GAS7: variants seen among roughly 807,000 people sequenced by gnomAD.
GAS7 encodes the protein growth arrest-specific protein 7.
A neutral mutation model predicts 71.1 loss-of-function variants in GAS7; 28 were observed. That is an observed-to-expected ratio of 0.39 (90% CI 0.29 to 0.54). GAS7 has a LOEUF of 0.54. Ranked by LOEUF, GAS7 falls within the 20% of genes least tolerant of loss-of-function variation. The pLI, the probability that GAS7 is intolerant of heterozygous loss-of-function variation, is 0.62. For synonymous variants in GAS7, 258 were observed against 245.8 expected, an observed-to-expected ratio of 1.05 and a Z score of -0.46; for missense variants, 436 against 627.8, an observed-to-expected ratio of 0.69 and a Z score of 3.27.
chr17:10,130,645 C>G (rs757460242), intron 1 of GAS7, among the ~76,000 whole-genome samples: 1 of 152,158 alleles, frequency 6.6e-6, no homozygotes, highest in Admixed American at 6.6e-5. Flanking sequence ...GTGATCTATC[C>G]AAACCAATGA....
At chr17:10,020,755 T>C (rs1314075139) in intron 1 of GAS7, among the ~76,000 whole-genome samples, 1 of 151,824 alleles carries the variant, frequency 6.6e-6, no homozygotes, top group African/African-American at 2.4e-5. Flanking sequence ...CTACTAAAAA[T>C]ACAAAAAATT....
At chr17:10,091,334 T>C (rs948023265) in intron 1 of GAS7, among the ~76,000 whole-genome samples, 5 of 152,078 alleles carry the variant, frequency 3.3e-5, no homozygotes, top group African/African-American at 7.2e-5. Context: ...TTGTACAACA[T>C]TGTGAATGTA....
chr17:10,125,537 GA>G (rs34160339), intron 1 of GAS7, among the ~76,000 whole-genome samples: 40,930 of 100,130 alleles, frequency 0.41, 7,596 homozygotes, highest in African/African-American at 0.6. Context: ...AAAAAAAAAA[GA>G]AAAAAAAAAA....
intron 1 of GAS7, among the ~76,000 whole-genome samples, chr17:10,053,035 G>A (rs1264717356): frequency 6.6e-6 from 1 of 152,214 alleles, no homozygotes; most frequent in Non-Finnish European, 1.5e-5. Flanking sequence ...TCTGAGTAGG[G>A]TTTTCAGCTC....
At chr17:10,182,763 A>C (rs983494260) in intron 1 of GAS7, among the ~76,000 whole-genome samples, 5 of 152,200 alleles carry the variant, frequency 3.3e-5, no homozygotes, top group African/African-American at 1.2e-4. Flanking sequence ...ACACGGGCCC[A>C]GGATTAGATT....
chr17:10,101,352 C>A (rs1249489497), intron 1 of GAS7, among the ~76,000 whole-genome samples: 1 of 152,226 alleles, frequency 6.6e-6, no homozygotes, highest in African/African-American at 2.4e-5. Context: ...GGACAGCCAA[C>A]CAGCAAGCAG....
intron 1 of GAS7, among the ~76,000 whole-genome samples, chr17:10,190,868 T>A (rs2074492986): frequency 6.7e-6 from 1 of 149,540 alleles, no homozygotes; most frequent in African/African-American, 2.5e-5. Flanking sequence ...AAAACCCTCA[T>A]GTTTTAAGAA....
chr17:10,044,905 T>G (rs1009883542), intron 1 of GAS7, among the ~76,000 whole-genome samples: 44 of 152,006 alleles, frequency 2.9e-4, no homozygotes, highest in Non-Finnish European at 4.3e-4. Context: ...ATACAAAAAA[T>G]TAGCTGGGCA....
At chr17:10,142,582 C>T (rs552387152) in intron 1 of GAS7, among the ~76,000 whole-genome samples, 8 of 152,122 alleles carry the variant, frequency 5.3e-5, no homozygotes, top group South Asian at 2.1e-4. Context: ...TTCGCCAGGA[C>T]CTCAGGTGAT....
chr17:10,169,159 G>A (rs772606158), intron 1 of GAS7, among the ~76,000 whole-genome samples: 27 of 151,856 alleles, frequency 1.8e-4, no homozygotes, highest in Non-Finnish European at 1.9e-4. Context: ...TGTAATCCCC[G>A]CTACTCTGAA....
rs576950965 is a variant in GAS7 at position 9,974,660 on chromosome 17, G to A, written c.386-4898C>T. On this transcript the variant is annotated intron_variant, in intron 3 of 13. Coordinates refer to ENST00000432992, the MANE Select transcript of GAS7 (RefSeq NM_201433.2). This position sits in a 1 kb window ranked among gnomAD's most constrained non-coding sequence, Gnocchi z 4.0. ...ACACACTTCATTTCCCTTATAGGCA[G>A]TTAAGCAACTTGAGAGGGCTTAGGA... is the stretch of plus-strand genomic sequence containing the variant. Among the ~76,000 whole-genome samples the A allele has an allele frequency of 2.8e-4, 42 of 152,298 alleles. 1 individual carries two copies. The highest frequency in any genetic ancestry group is 9.4e-4 in the African/African-American group (39 of 41,562).
chr17:10,142,988 T>C (rs1335405005), intron 1 of GAS7, among the ~76,000 whole-genome samples: 6 of 145,194 alleles, frequency 4.1e-5, no homozygotes, highest in African/African-American at 1.5e-4. Context: ...CTGGCCAACA[T>C]GGCGAAACCC....
At position 9,985,566 on chromosome 17, in the gene GAS7, C is replaced by T. The variant is rs942964116; in HGVS notation, c.305-3682G>A. The stretch of plus-strand genomic sequence containing the variant: ...AGCCTATCAAGATTGCTCTTCTTCC[C>T]TGCAAAGAGTTCTTCCCCAGACTCT... On this transcript the variant is annotated intron_variant, in intron 2 of 13. Coordinates refer to ENST00000432992, the MANE Select transcript of GAS7 (RefSeq NM_201433.2). Among the ~76,000 whole-genome samples the T allele has an allele frequency of 6.6e-5, 10 of 152,248 alleles. No individual in the cohort carries two copies. In the South Asian group the frequency reaches 1.9e-3, roughly 28 times the overall value.
chr17:10,125,654 G>T (rs2073939904), intron 1 of GAS7, among the ~76,000 whole-genome samples: 1 of 151,856 alleles, frequency 6.6e-6, no homozygotes, highest in Non-Finnish European at 1.5e-5. Context: ...ATGGGGAGAT[G>T]AGGAGGGAGG....
chr17:10,031,832 C>T (rs995438236), intron 1 of GAS7, among the ~76,000 whole-genome samples: 6 of 152,198 alleles, frequency 3.9e-5, no homozygotes, highest in African/African-American at 4.8e-5. Flanking sequence ...ATCTGAGAGA[C>T]GCCCACTCTT....
intron 1 of GAS7, among the ~76,000 whole-genome samples, chr17:10,197,987 GT>G (rs1487595496): frequency 1.3e-5 from 2 of 152,190 alleles, no homozygotes; most frequent in Non-Finnish European, 2.9e-5. Context: ...CCGGCGCAAG[GT>G]GGAAGCTCCC....
At chr17:10,121,308 G>A (rs2073902998) in intron 1 of GAS7, among the ~76,000 whole-genome samples, 1 of 152,166 alleles carries the variant, frequency 6.6e-6, no homozygotes, top group South Asian at 2.1e-4. Flanking sequence ...TTGAACCCGG[G>A]AGGCAGAGAT....
intron 1 of GAS7, among the ~76,000 whole-genome samples, chr17:10,078,931 G>A (rs1446050189): frequency 3.9e-5 from 6 of 152,158 alleles, no homozygotes; most frequent in Non-Finnish European, 8.8e-5. Flanking sequence ...GTGCATTCCT[G>A]TAGTCCCAGC....
chr17:10,164,636 G>A (rs1567616573), intron 1 of GAS7, among the ~76,000 whole-genome samples: 2 of 150,880 alleles, frequency 1.3e-5, no homozygotes, highest in Non-Finnish European at 3.0e-5. Context: ...GTGAATAGCC[G>A]CTGCACTCCA....
Sources: allele counts gnomAD v4.1 joint callset (sites outside exome capture counted in the v4.1 genomes callset), GRCh38; gene constraint gnomAD v4.1.1; non-coding constraint Gnocchi (gnomAD v3.1); transcripts MANE v1.5; gene names NCBI Gene and HGNC (gene_info 2026-07-23, HGNC 2026-07-21).